The following OTULIN variants were observed in gnomAD, a reference collection of about 807,000 sequenced individuals.
OTULIN encodes ubiquitin thioesterase otulin.
A neutral mutation model predicts 39.6 loss-of-function variants in OTULIN; 15 were observed. The observed-to-expected ratio is 0.38, with a 90% confidence interval of 0.25 to 0.58. The LOEUF is 0.58. OTULIN is among the 20% of genes least tolerant of loss of function. The pLI is 0.66. For synonymous variants in OTULIN, 156 were observed against 170.3 expected (o/e 0.92, Z 0.65); for missense variants, 319 against 445.9 (o/e 0.72, Z 2.56).
intron 2 of OTULIN, among the ~76,000 whole-genome samples, chr5:14,675,559 A>G (rs1218301137): frequency 1.3e-5 from 2 of 152,206 alleles, no homozygotes; most frequent in Non-Finnish European, 2.9e-5. Context: ...GATTCCTAAG[A>G]AGAAAGTGTG....
chr5:14,685,198 A>T (rs964334309), intron 4 of OTULIN, among the ~76,000 whole-genome samples: 3 of 152,136 alleles, frequency 2.0e-5, no homozygotes, highest in African/African-American at 7.2e-5. Context: ...GTGTATCAAA[A>T]TTTTTTTGTA....
chr5:14,686,526 A>T (rs962357492), intron 4 of OTULIN, among the ~76,000 whole-genome samples: 3 of 152,142 alleles, frequency 2.0e-5, no homozygotes, highest in African/African-American at 7.2e-5. Context: ...GTACTGGCAG[A>T]ACTGTATTAA....
the OTULIN span, chr5:14,711,057 C>T: frequency 4.2e-5 from 33 of 785,620 alleles, no homozygotes; most frequent in Middle Eastern, 2.3e-4. Context: ...AGAATTGACA[C>T]GAAACCTTTA....
chr5:14,706,816 A>G, the OTULIN span: 2 of 152,298 alleles, frequency 1.3e-5, no homozygotes, highest in Admixed American at 1.3e-4. Context: ...AGTATCCCAG[A>G]CACGTTGCTC....
At chr5:14,667,898 A>G (rs1735890362) in intron 1 of OTULIN, among the ~76,000 whole-genome samples, 1 of 152,096 alleles carries the variant, frequency 6.6e-6, no homozygotes, top group South Asian at 2.1e-4. Context: ...CCTATGCTCT[A>G]TCCCCTGCTC....
chr5:14,678,810 C>A, intron 3 of OTULIN, 35 bp downstream of exon 3: 1 of 1,393,202 alleles, frequency 7.2e-7, no homozygotes, highest in Non-Finnish European at 9.9e-7. Context: ...TCAGGTCTTT[C>A]AAATAGTCTA....
chr5:14,668,718 T>C (rs1045106431), intron 1 of OTULIN, among the ~76,000 whole-genome samples: 1 of 152,228 alleles, frequency 6.6e-6, no homozygotes, highest in African/African-American at 2.4e-5. Flanking sequence ...AAGTTCATAA[T>C]GGTGAGTGAT....
At chr5:14,714,498 TGGA>T in the OTULIN span, among the ~76,000 whole-genome samples, 1 of 152,166 alleles carries the variant, frequency 6.6e-6, no homozygotes, top group Non-Finnish European at 1.5e-5. Flanking sequence ...CAAGGGCTCT[TGGA>T]GGAGGAAGTG....
At position 14,664,843 on chromosome 5, in the gene OTULIN, G is replaced by T. The variant is rs867597034; in HGVS notation, c.18G>T (p.Met6Ile). 1 of 1,216,042 alleles carries T rather than the reference G, an allele frequency of 8.2e-7. No individual in the cohort carries two copies. Among genetic ancestry groups the T allele is most frequent in the Non-Finnish European group, 1.0e-6 (1 of 976,590 alleles). 75.3% of individuals were successfully genotyped at this position (1,216,042 alleles called of 1,614,324 possible). A position where few individuals can be genotyped will look rare whatever the true frequency, so the allele number is the denominator to read the frequency against. The change falls in exon 1 of 7, where the codon ATG becomes ATT. Residue 6 changes from methionine to isoleucine, a missense_variant. Met to Ile is a conservative substitution (Grantham distance 10, BLOSUM62 1). Transcript: ENST00000284274. MSRGT[M>I]PQPEAWPGAS... Reference sequence around the variant, plus strand: ...GCGACCGCATGAGTCGGGGGACTATGCCCCAGCCCGAAGCGTGGCCAGGCG... The same window carrying T: ...GCGACCGCATGAGTCGGGGGACTATTCCCCAGCCCGAAGCGTGGCCAGGCG...
the OTULIN span, chr5:14,712,767 A>G: frequency 3.6e-6 from 4 of 1,102,328 alleles, no homozygotes; most frequent in Non-Finnish European, 5.4e-6. Flanking sequence ...GTCACCAAGG[A>G]TCCCCCACTG....
At chr5:14,712,216 A>C in the OTULIN span, among the ~76,000 whole-genome samples, 1 of 152,214 alleles carries the variant, frequency 6.6e-6, no homozygotes, top group Admixed American at 6.5e-5. Flanking sequence ...GATGCACGTC[A>C]CGCACCGTGA....
At chr5:14,680,921 T>C (rs990380395) in intron 3 of OTULIN, among the ~76,000 whole-genome samples, 1 of 152,034 alleles carries the variant, frequency 6.6e-6, no homozygotes, top group Non-Finnish European at 1.5e-5. Context: ...TTAGCTGGGC[T>C]TGGTGGCACA....
intron 1 of OTULIN, 87 bp downstream of exon 1, chr5:14,665,064 G>T: frequency 1.2e-6 from 1 of 821,872 alleles, no homozygotes; most frequent in South Asian, 6.0e-5. Context: ...AGTCGTCAGC[G>T]GAGGGTCCTG....
downstream of OTULIN, among the ~76,000 whole-genome samples, chr5:14,701,070 C>T (rs1736787180): frequency 6.6e-6 from 1 of 152,196 alleles, no homozygotes. Flanking sequence ...ATTGTCCTGT[C>T]GGCCGCCCTT....
chr5:14,712,258 T>C, the OTULIN span, among the ~76,000 whole-genome samples: 1 of 152,240 alleles, frequency 6.6e-6, no homozygotes, highest in Non-Finnish European at 1.5e-5. Flanking sequence ...GCCGTCACTC[T>C]GCTGCCCCGG....
the OTULIN span, chr5:14,711,091 A>G: frequency 1.9e-6 from 2 of 1,068,070 alleles, no homozygotes; most frequent in East Asian, 4.7e-5. Context: ...TTCATTACCA[A>G]AACAAAACAA....
the OTULIN span, chr5:14,708,130 T>C: frequency 4.1e-4 from 62 of 152,366 alleles, no homozygotes; most frequent in Admixed American, 3.7e-3. Context: ...CTGAGATCCC[T>C]GTAAGTCACT....
chr5:14,713,615 G>A, the OTULIN span: 27 of 1,614,106 alleles, frequency 1.7e-5, no homozygotes, highest in Non-Finnish European at 2.2e-5. This position sits in a 1 kb window ranked among gnomAD's most constrained non-coding sequence, Gnocchi z 4.4. Context: ...GGGCAAGGAC[G>A]AAGGTTTTCT....
chr5:14,685,155 C>T (rs1475924585), intron 4 of OTULIN, among the ~76,000 whole-genome samples: 1 of 152,204 alleles, frequency 6.6e-6, no homozygotes, highest in Admixed American at 6.5e-5. Context: ...ACTGGTTAGA[C>T]TGTGACAGTG....
Sources: allele counts gnomAD v4.1 joint callset (sites outside exome capture counted in the v4.1 genomes callset), GRCh38; gene constraint gnomAD v4.1.1; non-coding constraint Gnocchi (gnomAD v3.1); transcripts MANE v1.5; gene names NCBI Gene and HGNC (gene_info 2026-07-23, HGNC 2026-07-21).